The following TMEM178B variants were observed in gnomAD, a reference collection of about 807,000 sequenced individuals.
TMEM178B encodes the protein transmembrane protein 178B.
TMEM178B carries 5 observed loss-of-function variants against 31.0 expected under a neutral mutation model. The ratio of observed to expected loss-of-function variants is 0.16; its 90% confidence interval spans 0.08 to 0.34. The LOEUF (loss-of-function observed/expected upper bound fraction) is 0.34, where lower values mean the gene tolerates loss of function less well. Ranked by LOEUF, TMEM178B falls within the 10% of genes least tolerant of loss-of-function variation. The probability of loss-of-function intolerance (pLI) is 1.00; values close to 1 mark genes in which losing one functional copy is unlikely to be tolerated. For synonymous variants in TMEM178B, 164 were observed against 164.0 expected (o/e 1.00, Z 0.00); for missense variants, 275 against 400.3 (o/e 0.69, Z 2.67).
At chr7:141,156,148 C>G (rs1412414248) in intron 1 of TMEM178B, among the ~76,000 whole-genome samples, 2 of 152,122 alleles carry the variant, frequency 1.3e-5, no homozygotes, top group African/African-American at 4.8e-5. Flanking sequence ...TTTTGTATTT[C>G]TAGCATGATT....
chr7:141,507,652 T>G, the TMEM178B span, among the ~76,000 whole-genome samples: 1 of 152,254 alleles, frequency 6.6e-6, no homozygotes, highest in Non-Finnish European at 1.5e-5. Flanking sequence ...ATTACAGGCA[T>G]GCGCCACCGC....
At chr7:141,109,295 T>C (rs1286294028) in intron 1 of TMEM178B, among the ~76,000 whole-genome samples, 2 of 151,626 alleles carry the variant, frequency 1.3e-5, no homozygotes, top group South Asian at 2.1e-4. Context: ...TAAGGGGTGG[T>C]GAAAGGGTGA....
At chr7:141,251,999 G>T (rs1303604316) in intron 2 of TMEM178B, among the ~76,000 whole-genome samples, 1 of 152,016 alleles carries the variant, frequency 6.6e-6, no homozygotes, top group Non-Finnish European at 1.5e-5. Flanking sequence ...ATCCCTGTTT[G>T]CTTAAGGCTT....
intron 2 of TMEM178B, among the ~76,000 whole-genome samples, chr7:141,332,813 G>A (rs1351313508): frequency 6.6e-6 from 1 of 152,212 alleles, no homozygotes; most frequent in Non-Finnish European, 1.5e-5. Context: ...ACCTTGTAGT[G>A]AGTGTTGCAA....
chr7:141,177,566 T>C (rs977132461), intron 1 of TMEM178B, among the ~76,000 whole-genome samples: 2 of 152,182 alleles, frequency 1.3e-5, no homozygotes, highest in Non-Finnish European at 2.9e-5. Flanking sequence ...CTACTATTAT[T>C]GTGTGGGGGT....
intron 2 of TMEM178B, among the ~76,000 whole-genome samples, chr7:141,287,037 G>T (rs1798458145): frequency 1.3e-5 from 2 of 152,112 alleles, no homozygotes; most frequent in South Asian, 4.1e-4. Flanking sequence ...TTTGGGTCTA[G>T]TCTCAGTAAT....
At chr7:141,494,546 A>T in the TMEM178B span, among the ~76,000 whole-genome samples, 1 of 152,226 alleles carries the variant, frequency 6.6e-6, no homozygotes, top group Non-Finnish European at 1.5e-5. Context: ...ACATTTAAAA[A>T]ATCATATTAA....
chr7:141,162,290 T>C (rs1166597286), intron 1 of TMEM178B, among the ~76,000 whole-genome samples: 1 of 152,252 alleles, frequency 6.6e-6, no homozygotes, highest in Non-Finnish European at 1.5e-5. Flanking sequence ...GCTCATGTTT[T>C]ACATCCCTCA....
intron 2 of TMEM178B, among the ~76,000 whole-genome samples, chr7:141,431,432 G>A (rs1035465310): frequency 9.9e-5 from 15 of 152,012 alleles, no homozygotes; most frequent in African/African-American, 3.1e-4. Flanking sequence ...GGTTCTCCTC[G>A]CCTTTCCTCC....
chr7:141,223,848 C>T (rs1395928206), intron 2 of TMEM178B, among the ~76,000 whole-genome samples: 1 of 152,198 alleles, frequency 6.6e-6, no homozygotes, highest in African/African-American at 2.4e-5. Context: ...CCACAAGCCA[C>T]AAGTGGCTAC....
chr7:141,102,104 G>C (rs1329380604), intron 1 of TMEM178B, among the ~76,000 whole-genome samples: 1 of 152,244 alleles, frequency 6.6e-6, no homozygotes, highest in East Asian at 1.9e-4. Flanking sequence ...CTGTAAAGAG[G>C]TTAGCAACCC....
intron 3 of TMEM178B, among the ~76,000 whole-genome samples, chr7:141,449,591 C>T (rs560665055): frequency 6.6e-6 from 1 of 152,188 alleles, no homozygotes; most frequent in South Asian, 2.1e-4. Context: ...CAGGGTCCCC[C>T]TGAGATAGGC....
At chr7:141,207,416 A>AT (rs1563117671) in intron 1 of TMEM178B, among the ~76,000 whole-genome samples, 6 of 152,158 alleles carry the variant, frequency 3.9e-5, no homozygotes, top group Non-Finnish European at 8.8e-5. Flanking sequence ...AGCATGCAAG[A>AT]GTTTCGCTTT....
At chr7:141,274,996 A>G (rs1375462761) in intron 2 of TMEM178B, among the ~76,000 whole-genome samples, 1 of 152,200 alleles carries the variant, frequency 6.6e-6, no homozygotes, top group Non-Finnish European at 1.5e-5. Context: ...TTATCTCTCA[A>G]GAGCTAGCAA....
chr7:141,506,335 C>T, the TMEM178B span, among the ~76,000 whole-genome samples: 5 of 152,242 alleles, frequency 3.3e-5, no homozygotes, highest in Non-Finnish European at 7.3e-5. Context: ...AATAAATACG[C>T]ACCCAAAACT....
In TMEM178B at chr7:141,195,687, C is replaced by A. The variant is rs1484490599; in HGVS notation, c.383-16904C>A. 8.5e-5 allele frequency among the ~76,000 whole-genome samples: 13 copies of A among 152,144 alleles called. No individual in the cohort carries two copies. The South Asian group carries it at 2.7e-3, about 32-fold the overall frequency. Reference sequence around the variant, plus strand: ...TTTTCAGGTATCTTTTCAGCAACACCCCACTCTACTGGTACCAATTTACTG... The same window carrying A: ...TTTTCAGGTATCTTTTCAGCAACACACCACTCTACTGGTACCAATTTACTG... On this transcript the variant is annotated intron_variant, in intron 1 of 3. Transcript: ENST00000565468.
At chr7:141,298,567 C>G (rs1798673747) in intron 2 of TMEM178B, among the ~76,000 whole-genome samples, 2 of 152,164 alleles carry the variant, frequency 1.3e-5, no homozygotes, top group South Asian at 4.1e-4. Context: ...TATTTTTAAG[C>G]TTCTTGATTT....
intron 2 of TMEM178B, among the ~76,000 whole-genome samples, chr7:141,404,333 A>G (rs921143501): frequency 6.6e-6 from 1 of 152,094 alleles, no homozygotes; most frequent in African/African-American, 2.4e-5. Context: ...AAACAAACAA[A>G]CAAACAAAAA....
intron 1 of TMEM178B, among the ~76,000 whole-genome samples, chr7:141,193,239 C>T (rs777105102): frequency 2.5e-4 from 38 of 152,346 alleles, no homozygotes; most frequent in Non-Finnish European, 4.9e-4. Context: ...GCTCGTGCAG[C>T]ACCAGTTCTG....
Sources: allele counts gnomAD v4.1 joint callset (sites outside exome capture counted in the v4.1 genomes callset), GRCh38; gene constraint gnomAD v4.1.1; transcripts MANE v1.5; gene names NCBI Gene and HGNC (gene_info 2026-07-23, HGNC 2026-07-21).